The following DMC1 variants were observed in gnomAD, a reference collection of about 807,000 sequenced individuals.
DMC1 encodes the protein meiotic recombination protein DMC1 homolog.
In DMC1, 27 loss-of-function variants were observed where a neutral mutation model predicts 50.1. The ratio of observed to expected loss-of-function variants is 0.54; its 90% CI spans 0.40 to 0.74. The LOEUF (loss-of-function observed/expected upper bound fraction) is 0.74. Among genes scored for constraint, DMC1 ranks in the 30% least tolerant of loss-of-function variants. DMC1 has a pLI of 0.00. For synonymous variants in DMC1, 148 were observed against 136.1 expected (o/e 1.09, Z -0.61); for missense variants, 295 against 420.2 (o/e 0.70, Z 2.60).
At chr22:38,568,470 T>C in intron 1 of DMC1, 181 bp from the exon 2 acceptor site, 1 of 585,686 alleles carries the variant, frequency 1.7e-6, no homozygotes, top group Non-Finnish European at 3.0e-6. Flanking sequence ...TGTGTGTGTG[T>C]GTGCATGTGT....
At chr22:38,526,886 C>T (rs1188762897) in intron 12 of DMC1, among the ~76,000 whole-genome samples, 1 of 152,182 alleles carries the variant, frequency 6.6e-6, no homozygotes, top group Non-Finnish European at 1.5e-5. Flanking sequence ...AACTGGCCGT[C>T]TGGTTCTTCA....
intron 12 of DMC1, among the ~76,000 whole-genome samples, chr22:38,537,192 A>G (rs2145857647): frequency 6.6e-6 from 1 of 152,048 alleles, no homozygotes; most frequent in South Asian, 2.1e-4. Context: ...CATAAAGACT[A>G]ATGATTTTTA....
the DMC1 span, among the ~76,000 whole-genome samples, chr22:38,511,348 G>A: frequency 1.3e-5 from 2 of 152,150 alleles, no homozygotes; most frequent in Admixed American, 6.5e-5. Flanking sequence ...GGAGGCCGAG[G>A]CGGGAGGATC....
At chr22:38,528,833 A>T (rs1483037963) in intron 12 of DMC1, among the ~76,000 whole-genome samples, 2 of 152,104 alleles carry the variant, frequency 1.3e-5, no homozygotes, top group African/African-American at 4.8e-5. Context: ...ATTTAACTAA[A>T]CAATTCAGCT....
intron 5 of DMC1, among the ~76,000 whole-genome samples, chr22:38,555,907 C>T (rs1253143038): frequency 6.6e-6 from 1 of 151,774 alleles, no homozygotes; most frequent in East Asian, 1.9e-4. Flanking sequence ...TCTTGGCTCA[C>T]TGCAGCCTCC....
intron 8 of DMC1, among the ~76,000 whole-genome samples, chr22:38,544,115 A>G (rs2090316586): frequency 6.6e-6 from 1 of 152,214 alleles, no homozygotes; most frequent in Non-Finnish European, 1.5e-5. Flanking sequence ...TAACCAGAAT[A>G]TATAAAAAGT....
chr22:38,540,402 C>T (rs1387430485), intron 8 of DMC1, among the ~76,000 whole-genome samples: 1 of 152,142 alleles, frequency 6.6e-6, no homozygotes, highest in African/African-American at 2.4e-5. Flanking sequence ...CTAAGTGCAC[C>T]TGCAAAAGTA....
intron 11 of DMC1, 91 bp from the exon 12 acceptor site, chr22:38,537,743 G>A: frequency 1.1e-6 from 1 of 894,610 alleles, no homozygotes; most frequent in South Asian, 1.4e-5. Flanking sequence ...TAGACATATT[G>A]CATCATGAAT....
At chr22:38,526,382 G>A (rs531616296) in intron 12 of DMC1, among the ~76,000 whole-genome samples, 1 of 151,812 alleles carries the variant, frequency 6.6e-6, no homozygotes, top group Non-Finnish European at 1.5e-5. Context: ...GCTAATTTTT[G>A]TATTTTTAGT....
chr22:38,551,767 A>G (rs1229402051), intron 7 of DMC1, among the ~76,000 whole-genome samples: 1 of 151,868 alleles, frequency 6.6e-6, no homozygotes, highest in Non-Finnish European at 1.5e-5. Flanking sequence ...GGGGGAAATT[A>G]GAGAAGTAGA....
At chr22:38,521,516 C>T in intron 13 of DMC1, 92 bp downstream of exon 13, 1 of 884,902 alleles carries the variant, frequency 1.1e-6, no homozygotes, top group Admixed American at 2.1e-5. Context: ...CCAGCTCGGG[C>T]AACATGGCAA....
intron 5 of DMC1, among the ~76,000 whole-genome samples, chr22:38,558,829 C>G (rs1231641412): frequency 6.6e-6 from 1 of 152,150 alleles, no homozygotes; most frequent in Admixed American, 6.5e-5. Flanking sequence ...TTCTTTAGCC[C>G]AGTGGTTCTT....
rs1323619845 is a variant in DMC1, at chr22:38,566,037, G to A, written c.243+553C>T. On this transcript the variant is annotated intron_variant, in intron 4 of 13. Transcript: ENST00000216024. ...CATGCCTGTAATCCCAGCACTTTGG[G>A]AGGCCAGGGCAGGCAGATCACGAGG... 2.6e-5 allele frequency among the ~76,000 whole-genome samples: 4 copies of A among 152,166 alleles called. No homozygotes were observed. The South Asian group carries it at 6.2e-4, about 24-fold the overall frequency.
At position 38,526,059 on chromosome 22, in the gene DMC1, A is replaced by G. The variant is rs1053506530; in HGVS notation, c.837-4335T>C. Among the ~76,000 whole-genome samples the G allele has an allele frequency of 2.6e-5, 4 of 152,212 alleles. No homozygotes were observed. In the East Asian group the frequency reaches 7.7e-4, roughly 29 times the overall value. On this transcript the variant is annotated intron_variant, in intron 12 of 13. Transcript: ENST00000216024. ...ATAAACTAAGAAGTTATATCAAAAT[A>G]GGCTGTGACATAGCAGCCTTAACTC...
At chr22:38,558,605 C>T (rs929219295) in intron 5 of DMC1, among the ~76,000 whole-genome samples, 1 of 152,124 alleles carries the variant, frequency 6.6e-6, no homozygotes, top group African/African-American at 2.4e-5. Flanking sequence ...GTCCCAGCTA[C>T]TCAGGAGGCT....
chr22:38,559,490 T>G (rs905209328), intron 5 of DMC1, among the ~76,000 whole-genome samples: 13 of 152,182 alleles, frequency 8.5e-5, no homozygotes, highest in African/African-American at 2.9e-4. Context: ...TTTGTGTCAC[T>G]GCAGGATTTC....
chr22:38,527,466 A>G lies in DMC1; in HGVS notation c.837-5742T>C, dbSNP rs1377278485. Among the ~76,000 whole-genome samples, 9 of 151,392 alleles carry G rather than the reference A, an allele frequency of 5.9e-5. No homozygotes were observed. In the East Asian group the frequency reaches 1.5e-3, roughly 26 times the overall value. ...GTGATCCGCCCACCTCGGCCTCCCA[A>G]AGTGTTGGGATTACAGGTGTGAGCC... On this transcript the variant is annotated intron_variant, in intron 12 of 13. Transcript: ENST00000216024.
downstream of DMC1, among the ~76,000 whole-genome samples, chr22:38,518,062 T>G (rs1488411298): frequency 4.0e-5 from 6 of 151,230 alleles, no homozygotes; most frequent in Non-Finnish European, 8.8e-5. Context: ...AACCTCCGCC[T>G]CCTGGGTTCA....
chr22:38,535,160 G>A lies in DMC1; in HGVS notation c.836+2432C>T, dbSNP rs1480365618. Among the ~76,000 whole-genome samples, 31 of 151,222 alleles carry A rather than the reference G, an allele frequency of 2.0e-4. 1 individual carries two copies. The highest frequency in any genetic ancestry group is 6.8e-4 in the African/African-American group (28 of 41,214). ...TAAAAATACAAAAAATTAGCCGGGT[G>A]TGGTGGTAGGTGCCTGTAATTCCAG... On this transcript the variant is annotated intron_variant, in intron 12 of 13. Coordinates refer to ENST00000216024, the MANE Select transcript of DMC1 (RefSeq NM_007068.4).
Sources: allele counts gnomAD v4.1 joint callset (sites outside exome capture counted in the v4.1 genomes callset), GRCh38; gene constraint gnomAD v4.1.1; transcripts MANE v1.5; gene names NCBI Gene and HGNC (gene_info 2026-07-23, HGNC 2026-07-21).